Variants in ZDHHC19 observed in about 807,000 individuals in gnomAD.
The protein encoded by ZDHHC19 is zDHHC palmitoyltransferase 19.
ZDHHC19 carries 30 observed loss-of-function variants against 33.9 expected under a neutral mutation model. The ratio of observed to expected loss-of-function variants is 0.88; its 90% CI spans 0.66 to 1.20. The LOEUF is 1.20. ZDHHC19 is among the 50% of genes most tolerant of loss of function. The probability of loss-of-function intolerance (pLI) is 0.00; values close to 1 mark genes in which losing one functional copy is unlikely to be tolerated. For missense variants in ZDHHC19, 364 were observed against 401.1 expected, an observed-to-expected ratio of 0.91 and a Z score of 0.79; for synonymous variants, 178 against 167.6, an observed-to-expected ratio of 1.06 and a Z score of -0.48.
Position 196,211,217 on chromosome 3 carries a change from GA to G in ZDHHC19, c.98del (p.Phe33SerfsTer65). ...PWFLPSLFAA[F>X]NVVLLVFFSG... ...TGAAAAAGACCAGCAGCACCACATT[GA>G]AGGCAGCAAAGAGGCTAGGGAGGAA... On this transcript the variant is annotated frameshift_variant, in exon 1 of 8. Coordinates refer to ENST00000296326, the MANE Select transcript of ZDHHC19 (RefSeq NM_001039617.2). LOFTEE classifies it high-confidence loss of function. 6.2e-7 allele frequency: 1 copy of G among 1,614,174 alleles called. No homozygotes were observed. Among genetic ancestry groups the G allele is most frequent in the Non-Finnish European group, 8.5e-7 (1 of 1,180,024 alleles).
In ZDHHC19 at chr3:196,208,465, C is replaced by G. The variant is rs757556138; in HGVS notation, c.504G>C (p.Ser168=). ...TGAGACAGGTGACCAGCATGGCGCC[C>G]GAGTAGAGGCACAGGGACAGGACAA... ...MLLVLSLCLY[S]GAMLVTCLIF... The change falls in exon 4 of 8, where the codon TCG becomes TCC. Residue 168 remains serine (S), a synonymous_variant. Transcript: ENST00000296326. 2 of 1,614,026 alleles carry G rather than the reference C, an allele frequency of 1.2e-6. No individual in the cohort carries two copies. Among genetic ancestry groups the G allele is most frequent in the African/African-American group, 1.3e-5 (1 of 74,926 alleles).
At chr3:196,200,857 C>T (rs1722283994) in intron 5 of ZDHHC19, among the ~76,000 whole-genome samples, 1 of 151,456 alleles carries the variant, frequency 6.6e-6, no homozygotes, top group South Asian at 2.1e-4. Flanking sequence ...GCTATGTTGC[C>T]CAGGCTGGTC....
chr3:196,209,617 G>A, intron 2 of ZDHHC19, 102 bp from the exon 3 acceptor site: 1 of 1,455,622 alleles, frequency 6.9e-7, no homozygotes, highest in South Asian at 1.3e-5. Flanking sequence ...GTGGGGACAA[G>A]GTGGGCAGGG....
intron 5 of ZDHHC19, among the ~76,000 whole-genome samples, chr3:196,200,371 T>TTC (rs1560130386): frequency 6.9e-6 from 1 of 145,904 alleles, no homozygotes; most frequent in African/African-American, 2.5e-5. Context: ...TTTTTTTTTT[T>TTC]TGAGATGGAG....
At chr3:196,199,036 T>C in intron 5 of ZDHHC19, 162 bp from the exon 6 acceptor site, 1 of 607,324 alleles carries the variant, frequency 1.6e-6, no homozygotes, top group Non-Finnish European at 2.9e-6. Flanking sequence ...CACTGCCCCA[T>C]CCTCCTCCTC....
chr3:196,206,507 C>T (rs373441602), intron 5 of ZDHHC19, among the ~76,000 whole-genome samples: 4 of 152,098 alleles, frequency 2.6e-5, no homozygotes, highest in African/African-American at 9.6e-5. Context: ...CACGTGCCAC[C>T]GTGCCTGGCT....
At chr3:196,207,533 A>T (rs1184374021) in intron 4 of ZDHHC19, 30 bp from the exon 5 acceptor site, 4 of 1,503,844 alleles carry the variant, frequency 2.7e-6, no homozygotes, top group Admixed American at 4.1e-5. Flanking sequence ...GGGCTGCGGG[A>T]CCCCCACGCC....
chr3:196,207,256 C>G (rs1299106090), intron 5 of ZDHHC19, 142 bp downstream of exon 5: 1 of 654,798 alleles, frequency 1.5e-6, no homozygotes, highest in African/African-American at 1.9e-5. Context: ...AGATTGGAGC[C>G]TCTTAAGAGC....
At chr3:196,209,575 C>G (rs4916502) in intron 2 of ZDHHC19, 60 bp from the exon 3 acceptor site, 6 of 1,568,978 alleles carry the variant, frequency 3.8e-6, no homozygotes, top group Admixed American at 1.8e-5. Flanking sequence ...GCGGCGGGGG[C>G]AGCTCCACGG....
chr3:196,198,013 G>A (rs1322296190), intron 7 of ZDHHC19, among the ~76,000 whole-genome samples: 1 of 152,168 alleles, frequency 6.6e-6, no homozygotes, highest in African/African-American at 2.4e-5. Flanking sequence ...GCGAGTAGGT[G>A]ACTGGCCTGA....
Position 196,211,163 on chromosome 3 carries a change from A to C in ZDHHC19, c.146+7T>G. 6.2e-7 allele frequency: 1 copy of C among 1,614,140 alleles called. No homozygotes were observed. On this transcript the variant is annotated splice_region_variant and intron_variant, in intron 1 of 7. Transcript: ENST00000296326. ...GGGAAACCTAACGGCTTGCCTGGAA[A>C]ACTCACGGGAATGCGAAGAAGAGGC...
At position 196,211,155 on chromosome 3, in the gene ZDHHC19, GCCT is replaced by G; in HGVS notation, c.146+12_146+14del. 1 of 1,610,252 alleles carries G rather than the reference GCCT, an allele frequency of 6.2e-7. No homozygotes were observed. The highest frequency in any genetic ancestry group is 8.5e-7 in the Non-Finnish European group (1 of 1,179,114). ...CTCTTTGTGGGAAACCTAACGGCTT[GCCT>G]GGAAAACTCACGGGAATGCGAAGAA... On this transcript the variant is annotated intron_variant, in intron 1 of 7. Coordinates refer to ENST00000296326, the MANE Select transcript of ZDHHC19 (RefSeq NM_001039617.2).
chr3:196,207,279 G>C (rs1164108169), intron 5 of ZDHHC19, 119 bp downstream of exon 5: 1 of 832,558 alleles, frequency 1.2e-6, no homozygotes, highest in African/African-American at 1.7e-5. Flanking sequence ...GGTCTGGAGG[G>C]ACCTAACGAG....
chr3:196,205,711 G>C (rs1390638954), intron 5 of ZDHHC19, among the ~76,000 whole-genome samples: 1 of 152,200 alleles, frequency 6.6e-6, no homozygotes, highest in African/African-American at 2.4e-5. Context: ...TCCCAAGCTG[G>C]AGTGCAGTGG....
chr3:196,207,214 G>A (rs941031587), intron 5 of ZDHHC19, among the ~76,000 whole-genome samples, 184 bp downstream of exon 5: 2 of 152,226 alleles, frequency 1.3e-5, no homozygotes, highest in Admixed American at 6.5e-5. Flanking sequence ...CCCCCAGGAA[G>A]GACAGGGACC....
intron 4 of ZDHHC19, among the ~76,000 whole-genome samples, 188 bp from the exon 5 acceptor site, chr3:196,207,691 GA>G: frequency 2.1e-4 from 1 of 4,726 alleles, no homozygotes; most frequent in South Asian, 5.7e-3. Context: ...CCCGCCCCCG[GA>G]CGCCCGCCCC....
At chr3:196,201,201 T>C (rs1447719628) in intron 5 of ZDHHC19, among the ~76,000 whole-genome samples, 2 of 151,406 alleles carry the variant, frequency 1.3e-5, no homozygotes, top group Non-Finnish European at 2.9e-5. Context: ...GCCTCCCAAG[T>C]AGCTGGGATT....
Position 196,200,557 on chromosome 3 carries a change from T to C in ZDHHC19, c.688-1683A>G, listed in dbSNP as rs184545365. The stretch of plus-strand genomic sequence containing the variant: ...TTTTAGTAGAGACGGGGTTTCACCG[T>C]GTTAGCCAGGATGGTCTCGATCTCC... On this transcript the variant is annotated intron_variant, in intron 5 of 7. Coordinates refer to ENST00000296326, the MANE Select transcript of ZDHHC19 (RefSeq NM_001039617.2). Among the ~76,000 whole-genome samples the C allele has an allele frequency of 7.9e-4, 118 of 149,458 alleles. 1 individual carries two copies. Among genetic ancestry groups the C allele is most frequent in the Admixed American group, 1.3e-3 (20 of 15,114 alleles).
At chr3:196,199,257 C>G (rs1174378627) in intron 5 of ZDHHC19, 2 of 223,984 alleles carry the variant, frequency 8.9e-6, no homozygotes, top group Non-Finnish European at 1.8e-5. Flanking sequence ...GGTTCTCTCC[C>G]TCCTCTCTCC....
Sources: gnomAD v4.1 joint callset for allele counts (sites outside exome capture counted in the v4.1 genomes callset) on GRCh38, gnomAD v4.1.1 for gene constraint, MANE v1.5 for transcripts, NCBI Gene and HGNC (gene_info 2026-07-23, HGNC 2026-07-21) for gene names.